MYO5C: variants seen among roughly 807,000 people sequenced by gnomAD.
The protein encoded by MYO5C is myosin VC.
In MYO5C, 194 loss-of-function variants were observed where a neutral mutation model predicts 235.7. That is an observed-to-expected ratio of 0.82 (90% CI 0.73 to 0.93). The LOEUF (loss-of-function observed/expected upper bound fraction) is 0.93. Ranked by LOEUF, MYO5C falls within the 40% of genes least tolerant of loss-of-function variation. The pLI, the probability that MYO5C is intolerant of heterozygous loss-of-function variation, is 0.00. For missense variants in MYO5C, 2,038 were observed against 2,127.2 expected (o/e 0.96, Z 0.82); for synonymous variants, 707 against 754.8 (o/e 0.94, Z 1.04).
At chr15:52,277,089 GAGA>G (rs1221994887) in intron 4 of MYO5C, 3 of 478,206 alleles carry the variant, frequency 6.3e-6, no homozygotes, top group Non-Finnish European at 8.7e-6. Context: ...ATTTCAAAGA[GAGA>G]AGATGAAGAC....
rs180891346 is a variant in MYO5C at position 52,283,967 on chromosome 15, G to A, written c.28-1075C>T. Among the ~76,000 whole-genome samples the A allele has an allele frequency of 2.0e-3, 302 of 152,220 alleles. 2 individuals are homozygous for A. Among genetic ancestry groups the A allele is most frequent in the Middle Eastern group, 3.4e-3 (1 of 294 alleles). Reference sequence around the variant, plus strand: ...TGGGATTACAGGCATGAGCCACCACGCCTGGCAGGATTTAAAAATTAGTGT... The same window carrying A: ...TGGGATTACAGGCATGAGCCACCACACCTGGCAGGATTTAAAAATTAGTGT... On this transcript the variant is annotated intron_variant, in intron 1 of 40. Coordinates refer to ENST00000261839, the MANE Select transcript of MYO5C (RefSeq NM_018728.4).
chr15:52,234,489 GA>G (rs11304135), intron 23 of MYO5C, among the ~76,000 whole-genome samples: 102,689 of 152,024 alleles, frequency 0.68, 38,528 homozygotes, highest in Non-Finnish European at 0.84. Flanking sequence ...AGTTAGGGGG[GA>G]AAAAAGCCAA....
chr15:52,264,321 T>C (rs1022015658), intron 8 of MYO5C, 25 bp from the exon 9 acceptor site: 4 of 1,548,870 alleles, frequency 2.6e-6, no homozygotes, highest in African/African-American at 2.7e-5. Context: ...TTTCCCAGAT[T>C]AGAATACTGC....
At chr15:52,260,093 AC>A (rs1255423419) in intron 10 of MYO5C, among the ~76,000 whole-genome samples, 1 of 152,230 alleles carries the variant, frequency 6.6e-6, no homozygotes, top group African/African-American at 2.4e-5. Flanking sequence ...CTGAAGGATA[AC>A]AATCTCCACA....
At chr15:52,237,955 C>G (rs894519252) in intron 21 of MYO5C, among the ~76,000 whole-genome samples, 2 of 151,870 alleles carry the variant, frequency 1.3e-5, no homozygotes, top group African/African-American at 2.4e-5. Flanking sequence ...AGTCCTAACC[C>G]CTGAATTTAG....
At chr15:52,285,621 G>A (rs994508103) in intron 1 of MYO5C, among the ~76,000 whole-genome samples, 2 of 152,214 alleles carry the variant, frequency 1.3e-5, no homozygotes, top group Non-Finnish European at 2.9e-5. Context: ...GTGGCGCGCC[G>A]CCACGCCTGA....
intron 29 of MYO5C, 71 bp downstream of exon 29, chr15:52,223,473 A>T: frequency 7.0e-7 from 1 of 1,426,678 alleles, no homozygotes; most frequent in Non-Finnish European, 9.5e-7. Context: ...CAAGAAACTG[A>T]ATTTGACGCC....
At position 52,193,302 on chromosome 15, in the gene MYO5C, A is replaced by T. The variant is rs1281888686; in HGVS notation, c.*600T>A. 8.8e-6 allele frequency: 1 copy of T among 113,302 alleles called. No individual in the cohort carries two copies. Among genetic ancestry groups the T allele is most frequent in the Non-Finnish European group, 1.9e-5 (1 of 53,102 alleles). 7.0% of individuals were successfully genotyped at this position (113,302 alleles called of 1,614,324 possible). ...CACTCCAGCCTGGCGATAGAGCGAG[A>T]CTCCGGAGTCTCAAAAAAAAAAAAA... is the stretch of plus-strand genomic sequence containing the variant. On this transcript the variant is annotated 3_prime_UTR_variant, in exon 41 of 41. Coordinates refer to ENST00000261839, the MANE Select transcript of MYO5C (RefSeq NM_018728.4).
intron 38 of MYO5C, 71 bp from the exon 39 acceptor site, chr15:52,196,554 G>C (rs766404178): frequency 6.8e-7 from 1 of 1,462,192 alleles, no homozygotes; most frequent in African/African-American, 1.4e-5. Context: ...TGTCCCGAGA[G>C]GGTACCAGAG....
Position 52,204,729 on chromosome 15 carries a change from C to T in MYO5C, c.4820+136G>A, listed in dbSNP as rs2035261839. 4.5e-6 allele frequency: 5 copies of T among 1,103,322 alleles called. No individual in the cohort carries two copies. The African/African-American group carries it at 4.7e-5, about 10-fold the overall frequency. 68.3% of individuals were successfully genotyped at this position (1,103,322 alleles called of 1,614,324 possible). A position where few individuals can be genotyped will look rare whatever the true frequency, so the allele number is the denominator to read the frequency against. ...GCATCCCGGGGCTCCTAGGGTGACT[C>T]GAATATCCCTACAGCAGTAGGGCCT... On this transcript the variant is annotated intron_variant, in intron 38 of 40. Coordinates refer to ENST00000261839, the MANE Select transcript of MYO5C (RefSeq NM_018728.4).
At chr15:52,214,487 A>T in intron 33 of MYO5C, 116 bp downstream of exon 33, 1 of 772,986 alleles carries the variant, frequency 1.3e-6, no homozygotes, top group Non-Finnish European at 2.0e-6. Flanking sequence ...CACAAACCTC[A>T]CCACTTGAGA....
chr15:52,216,861 AAC>A (rs2035566113), intron 32 of MYO5C, among the ~76,000 whole-genome samples: 1 of 152,192 alleles, frequency 6.6e-6, no homozygotes, highest in Admixed American at 6.5e-5. Context: ...GATGGAAAAG[AAC>A]ACAGAGACAG....
chr15:52,291,448 A>G (rs966394054), intron 1 of MYO5C, among the ~76,000 whole-genome samples: 1 of 151,544 alleles, frequency 6.6e-6, no homozygotes. Context: ...TCAGGCCCTC[A>G]CTCCTTTCTG....
chr15:52,285,738 T>C (rs1038180875), intron 1 of MYO5C, among the ~76,000 whole-genome samples: 1 of 152,268 alleles, frequency 6.6e-6, no homozygotes, highest in Non-Finnish European at 1.5e-5. Context: ...CCCGAGTTGC[T>C]GGGATTGCAG....
Position 52,196,502 on chromosome 15 carries a change from G to A in MYO5C, c.4821-19C>T. On this transcript the variant is annotated intron_variant, in intron 38 of 40. Transcript: ENST00000261839. ...ATTGCACCTGGAGGGAAAGGCAGAAGAACAGAGAATACTTTAGGGAAGGGT... is the reference window on the plus strand; with the variant it reads ...ATTGCACCTGGAGGGAAAGGCAGAAAAACAGAGAATACTTTAGGGAAGGGT... 6.2e-7 allele frequency: 1 copy of A among 1,606,566 alleles called. No individual in the cohort carries two copies. The highest frequency in any genetic ancestry group is 8.5e-7 in the Non-Finnish European group (1 of 1,176,718).
At chr15:52,243,006 T>A (rs2036260448) in intron 19 of MYO5C, 1 of 152,254 alleles carries the variant, frequency 6.6e-6, no homozygotes, top group Admixed American at 6.5e-5. Flanking sequence ...GTGCACCATT[T>A]GTTATTTTAA....
chr15:52,240,486 C>T (rs2036188814), intron 20 of MYO5C, among the ~76,000 whole-genome samples: 1 of 147,004 alleles, frequency 6.8e-6, no homozygotes, highest in Admixed American at 7.0e-5. Flanking sequence ...CATGAGGATC[C>T]CTTTAGTCTA....
intron 19 of MYO5C, 87 bp from the exon 20 acceptor site, chr15:52,242,300 T>C: frequency 2.1e-6 from 3 of 1,413,694 alleles, no homozygotes; most frequent in Non-Finnish European, 1.9e-6. Context: ...AGCATGTGTT[T>C]ATAAGGAAGG....
At chr15:52,290,093 C>T (rs1275470587) in intron 1 of MYO5C, among the ~76,000 whole-genome samples, 2 of 152,040 alleles carry the variant, frequency 1.3e-5, no homozygotes, top group African/African-American at 4.8e-5. Flanking sequence ...GCTCTCTGCT[C>T]CTCCCCCAGG....
Sources: allele counts gnomAD v4.1 joint callset (sites outside exome capture counted in the v4.1 genomes callset), GRCh38; gene constraint gnomAD v4.1.1; transcripts MANE v1.5; gene names NCBI Gene and HGNC (gene_info 2026-07-23, HGNC 2026-07-21).